The following PLXNA4 variants were observed in gnomAD, a reference collection of about 807,000 sequenced individuals.
PLXNA4 encodes plexin A4, also known as plexin-A4.
PLXNA4 carries 44 observed loss-of-function variants against 191.8 expected under a neutral mutation model. That is an observed-to-expected ratio of 0.23 (90% CI 0.18 to 0.29). The LOEUF (loss-of-function observed/expected upper bound fraction) is 0.29, where lower values mean the gene tolerates loss of function less well. Among genes scored for constraint, PLXNA4 ranks in the 10% least tolerant of loss-of-function variants. PLXNA4 has a pLI of 1.00. For synonymous variants in PLXNA4, 1,082 were observed against 1,009.5 expected (o/e 1.07, Z -1.36); for missense variants, 1,800 against 2,488.8 (o/e 0.72, Z 5.89).
chr7:132,562,942 C>T (rs1240674575), intron 1 of PLXNA4, among the ~76,000 whole-genome samples: 3 of 43,002 alleles, frequency 7.0e-5, no homozygotes, highest in Non-Finnish European at 1.4e-4. Context: ...CTCCTCCTCT[C>T]CCTCCTCCTC....
intron 1 of PLXNA4, among the ~76,000 whole-genome samples, chr7:132,541,282 G>A (rs1800071216): frequency 6.6e-6 from 1 of 152,180 alleles, no homozygotes; most frequent in South Asian, 2.1e-4. Context: ...CATAAGAGTA[G>A]CAACTGACTG....
At chr7:132,564,373 TCTCCTCCTC>T (rs112244070) in intron 1 of PLXNA4, among the ~76,000 whole-genome samples, 4 of 107,276 alleles carry the variant, frequency 3.7e-5, no homozygotes, top group Non-Finnish European at 6.2e-5. Context: ...TCCTCCTCCT[TCTCCTCCTC>T]CTCCTCCTCC....
chr7:132,303,260 T>C (rs1801378574), intron 3 of PLXNA4, among the ~76,000 whole-genome samples: 4 of 151,698 alleles, frequency 2.6e-5, no homozygotes, highest in African/African-American at 7.3e-5. Context: ...TTTTTTTTTT[T>C]TTTTTTTGGT....
chr7:132,482,571 A>G (rs992166559), intron 3 of PLXNA4, among the ~76,000 whole-genome samples: 1 of 152,140 alleles, frequency 6.6e-6, no homozygotes, highest in African/African-American at 2.4e-5. Flanking sequence ...AACTGTATGT[A>G]TGATAATAAG....
intron 5 of PLXNA4, 125 bp from the exon 6 acceptor site, chr7:132,228,594 AC>A (rs1255439987): frequency 4.8e-6 from 6 of 1,258,682 alleles, no homozygotes; most frequent in African/African-American, 3.0e-5. Flanking sequence ...CCCAGAGCTA[AC>A]CTTTTTGTGT....
At chr7:132,414,004 G>A in intron 3 of PLXNA4, among the ~76,000 whole-genome samples, 1 of 152,196 alleles carries the variant, frequency 6.6e-6, no homozygotes, top group East Asian at 1.9e-4. Flanking sequence ...GGCAGATAGA[G>A]CTATCTCTCT....
chr7:132,203,980 T>C (rs1348104418), intron 10 of PLXNA4, among the ~76,000 whole-genome samples: 1 of 151,894 alleles, frequency 6.6e-6, no homozygotes, highest in Non-Finnish European at 1.5e-5. Context: ...AGCTACACCC[T>C]AGGGGGATGA....
chr7:132,284,704 A>T (rs1800618736), intron 4 of PLXNA4, among the ~76,000 whole-genome samples: 1 of 152,180 alleles, frequency 6.6e-6, no homozygotes, highest in African/African-American at 2.4e-5. Context: ...GGCACCAAAA[A>T]CACCTAATAC....
chr7:132,394,260 C>A (rs1428898351), intron 3 of PLXNA4, among the ~76,000 whole-genome samples: 2 of 152,172 alleles, frequency 1.3e-5, no homozygotes, highest in Non-Finnish European at 2.9e-5. Flanking sequence ...CCTCGAGACA[C>A]CCAAGCCGAT....
Position 132,218,399 on chromosome 7 carries a change from G to A in PLXNA4, c.2097+5128C>T, listed in dbSNP as rs79151678. Among the ~76,000 whole-genome samples, 1,066 of 152,320 alleles carry A rather than the reference G, an allele frequency of 7.0e-3. 13 individuals are homozygous for A. The highest frequency in any genetic ancestry group is 0.024 in the African/African-American group (1,010 of 41,578). ...TCCTGAGAGCCTCCTTGGTGAGCTT[G>A]CACACCTGGGGGCCAGATGTGCTTT... On this transcript the variant is annotated intron_variant, in intron 9 of 31. Coordinates refer to ENST00000321063, the MANE Select transcript of PLXNA4 (RefSeq NM_020911.2).
intron 4 of PLXNA4, among the ~76,000 whole-genome samples, chr7:132,264,983 T>G (rs758264849): frequency 1.3e-5 from 2 of 152,196 alleles, no homozygotes; most frequent in African/African-American, 2.4e-5. Context: ...CATGAGCCAC[T>G]GCACCCAGCC....
chr7:132,384,633 G>A (rs1315637997), intron 3 of PLXNA4: 33 of 989,532 alleles, frequency 3.3e-5, no homozygotes, highest in Admixed American at 5.8e-5. Flanking sequence ...TCTCTTTCCC[G>A]CAGAGGCTGG....
intron 1 of PLXNA4, among the ~76,000 whole-genome samples, chr7:132,560,272 G>A (rs1355155914): frequency 1.3e-5 from 2 of 152,202 alleles, no homozygotes. Context: ...GGTGCGCTCT[G>A]TTCCAAGCTT....
At chr7:132,457,458 T>C (rs1181712668) in intron 3 of PLXNA4, among the ~76,000 whole-genome samples, 1 of 152,248 alleles carries the variant, frequency 6.6e-6, no homozygotes, top group Non-Finnish European at 1.5e-5. Flanking sequence ...AGAGAGGAGC[T>C]AAACAACTGG....
chr7:132,499,946 C>A (rs1254751748), intron 2 of PLXNA4, among the ~76,000 whole-genome samples: 5 of 152,168 alleles, frequency 3.3e-5, no homozygotes, highest in Non-Finnish European at 7.4e-5. Context: ...GCCACACACA[C>A]TAGGGAAAAC....
intron 3 of PLXNA4, among the ~76,000 whole-genome samples, chr7:132,469,824 T>C (rs543111665): frequency 6.6e-6 from 1 of 152,350 alleles, no homozygotes; most frequent in South Asian, 2.1e-4. Flanking sequence ...ATGGCAGTAG[T>C]GCCAGGAAAT....
At chr7:132,407,053 A>G (rs73726041) in intron 3 of PLXNA4, among the ~76,000 whole-genome samples, 6,702 of 152,280 alleles carry the variant, frequency 0.044, 433 homozygotes, top group East Asian at 0.27. Context: ...AGTCTGGGAT[A>G]GAAGGGCATT....
chr7:132,485,544 C>T (rs919164169), intron 3 of PLXNA4, among the ~76,000 whole-genome samples: 4 of 152,176 alleles, frequency 2.6e-5, no homozygotes, highest in Admixed American at 2.6e-4. Flanking sequence ...AAATCTCGTG[C>T]TTCTGAGACA....
intron 1 of PLXNA4, among the ~76,000 whole-genome samples, chr7:132,561,105 C>T (rs982618542): frequency 6.6e-6 from 1 of 152,028 alleles, no homozygotes; most frequent in African/African-American, 2.4e-5. Context: ...CAGCCTCTGC[C>T]GTGTTGCCCC....
Sources: allele counts gnomAD v4.1 joint callset (sites outside exome capture counted in the v4.1 genomes callset), GRCh38; gene constraint gnomAD v4.1.1; transcripts MANE v1.5; gene names NCBI Gene and HGNC (gene_info 2026-07-23, HGNC 2026-07-21).